GLYAT: variants seen among roughly 807,000 people sequenced by gnomAD.
GLYAT encodes glycine N-acyltransferase.
Under a neutral mutation model 22.8 loss-of-function variants are expected in GLYAT, and 25 were observed. The ratio of observed to expected loss-of-function variants is 1.09; its 90% confidence interval spans 0.80 to 1.53. The LOEUF is 1.53. Among genes scored for constraint, GLYAT ranks in the 40% most tolerant of loss-of-function variants. The pLI is 0.00. For synonymous variants in GLYAT, 140 were observed against 122.7 expected, an observed-to-expected ratio of 1.14 and a Z score of -0.93; for missense variants, 411 against 353.9, an observed-to-expected ratio of 1.16 and a Z score of -1.29.
intron 3 of GLYAT, among the ~76,000 whole-genome samples, chr11:58,714,980 T>C (rs1856661841): frequency 6.6e-6 from 1 of 152,154 alleles, no homozygotes; most frequent in African/African-American, 2.4e-5. Context: ...CTTGTAATCC[T>C]GACAAAAGCA....
intron 1 of GLYAT, 22 bp from the exon 2 acceptor site, chr11:58,724,533 A>C: frequency 7.6e-7 from 1 of 1,315,786 alleles, no homozygotes; most frequent in Non-Finnish European, 1.1e-6. Flanking sequence ...ACCAAGGAAC[A>C]TACAGGATTG....
chr11:58,728,797 G>A (rs1314922249), intron 1 of GLYAT: 1 of 146,380 alleles, frequency 6.8e-6, no homozygotes, highest in Admixed American at 7.0e-5. Context: ...AGTAAACAGA[G>A]AGATGAGAGA....
chr11:58,720,083 A>G (rs1026928038), intron 2 of GLYAT, among the ~76,000 whole-genome samples: 1 of 151,926 alleles, frequency 6.6e-6, no homozygotes, highest in Non-Finnish European at 1.5e-5. Context: ...TTTGTTAAAA[A>G]TAGCTTTTTC....
chr11:58,709,755 C>A lies in GLYAT; in HGVS notation c.*11G>T. On this transcript the variant is annotated 3_prime_UTR_variant, in exon 6 of 6. Transcript: ENST00000344743. ...GACCTGCCCAACACTGTCTTATGTT[C>A]AGGATTGGCATCACAGAGGTACACA... 6.3e-7 allele frequency: 1 copy of A among 1,598,160 alleles called. No individual in the cohort carries two copies. The highest frequency in any genetic ancestry group is 1.1e-5 in the South Asian group (1 of 88,372).
In GLYAT at chr11:58,710,651, GTTCC is replaced by G; in HGVS notation, c.423_426del (p.Lys141AsnfsTer2). ...TTTGATTTCAGCAGGAAAGGAGTCA[GTTCC>G]TTGGCTGTTTCAGCTGCCATATAGA... is the stretch of plus-strand genomic sequence containing the variant. On this transcript the variant is annotated frameshift_variant, in exon 5 of 6. Coordinates refer to ENST00000344743, the MANE Select transcript of GLYAT (RefSeq NM_201648.3). LOFTEE classifies it high-confidence loss of function. The G allele has an allele frequency of 6.2e-7, 1 of 1,609,786 alleles. No homozygotes were observed. The highest frequency in any genetic ancestry group is 8.5e-7 in the Non-Finnish European group (1 of 1,176,034).
At chr11:58,712,365 G>C (rs1005911596) in intron 4 of GLYAT, among the ~76,000 whole-genome samples, 2 of 152,134 alleles carry the variant, frequency 1.3e-5, no homozygotes, top group African/African-American at 4.8e-5. Context: ...AGAATCTCCA[G>C]AGAGCATAGT....
chr11:58,712,723 T>C, intron 4 of GLYAT, 37 bp downstream of exon 4: 4 of 1,598,534 alleles, frequency 2.5e-6, no homozygotes, highest in Non-Finnish European at 3.4e-6. Context: ...TCAGGACACA[T>C]AAGTGAGTCA....
At chr11:58,721,721 T>C (rs1411796031) in intron 2 of GLYAT, among the ~76,000 whole-genome samples, 1 of 152,100 alleles carries the variant, frequency 6.6e-6, no homozygotes, top group African/African-American at 2.4e-5. Context: ...GTACAGCCAT[T>C]GCTCTTTCAG....
Position 58,710,564 on chromosome 11 carries a change from TATAGACTGG to T in GLYAT, c.488+17_488+25del, listed in dbSNP as rs773003866. On this transcript the variant is annotated intron_variant, in intron 5 of 5. Coordinates refer to ENST00000344743, the MANE Select transcript of GLYAT (RefSeq NM_201648.3). ...GAGGTTACTTGAGAGGTGTGAGTGG[TATAGACTGG>T]ATTTTATCAAACTCACATGGCCTTG... The T allele has an allele frequency of 1.9e-6, 3 of 1,539,940 alleles. No individual in the cohort carries two copies. The highest frequency in any genetic ancestry group is 2.7e-6 in the Non-Finnish European group (3 of 1,111,516).
chr11:58,711,103 G>A (rs1856611293), intron 4 of GLYAT, among the ~76,000 whole-genome samples: 1 of 152,092 alleles, frequency 6.6e-6, no homozygotes, highest in Admixed American at 6.6e-5. Context: ...ATTTACCCTG[G>A]CATACTTATA....
At position 58,710,072 on chromosome 11, in the gene GLYAT, T is replaced by C; in HGVS notation, c.585A>G (p.Arg195=). ...WHFGGNERSQ[R]FIERCIQTFP... The stretch of plus-strand genomic sequence containing the variant: ...AGGTCTGAATGCAGCGCTCAATGAA[T>C]CTCTGGCTCCTCTCATTACCACCAA... The change falls in exon 6 of 6, where the codon AGA becomes AGG. Residue 195 remains arginine (R), a synonymous_variant. Coordinates refer to ENST00000344743, the MANE Select transcript of GLYAT (RefSeq NM_201648.3). 6.2e-7 allele frequency: 1 copy of C among 1,613,960 alleles called. No homozygotes were observed.
At chr11:58,730,341 C>A (rs117186841) in intron 1 of GLYAT, among the ~76,000 whole-genome samples, 3,214 of 152,200 alleles carry the variant, frequency 0.021, 48 homozygotes, top group South Asian at 0.043. Context: ...GGTATGGTGA[C>A]ACACACCTGT....
intron 1 of GLYAT, among the ~76,000 whole-genome samples, chr11:58,725,988 G>A (rs1301839517): frequency 6.6e-6 from 1 of 152,120 alleles, no homozygotes; most frequent in Non-Finnish European, 1.5e-5. Context: ...CTGTCATTTT[G>A]CCTCTGAATG....
Position 58,709,872 on chromosome 11 carries a change from T to C in GLYAT, c.785A>G (p.Tyr262Cys). 2 of 1,614,144 alleles carry C rather than the reference T, an allele frequency of 1.2e-6. No homozygotes were observed. Among genetic ancestry groups the C allele is most frequent in the Non-Finnish European group, 8.5e-7 (1 of 1,179,994 alleles). ...TTCATTGCTGTAGTCTACATGAGAA[T>C]AGACAGGAAACCCAAGTTTGCCCAA... ...QKLGKLGFPV[Y>C]SHVDYSNEAM... is the part of the protein sequence containing the mutation. Residue 262 changes from tyrosine (Y) to cysteine (C), a missense_variant, in exon 6 of 6, where the codon TAT (tyrosine) becomes TGT (cysteine). Coordinates refer to ENST00000344743, the MANE Select transcript of GLYAT (RefSeq NM_201648.3).
At position 58,709,906 on chromosome 11, in the gene GLYAT, C is replaced by T. The variant is rs200165614; in HGVS notation, c.751G>A (p.Ala251Thr). 35 of 1,614,076 alleles carry T rather than the reference C, an allele frequency of 2.2e-5. No homozygotes were observed. The highest frequency in any genetic ancestry group is 2.0e-4 in the Admixed American group (12 of 60,002). ...AACCCAAGTTTGCCCAATTTCTGGG[C>T]GTGGGAATAGATGACATACGTCACA... ...GLVTYVIYSH[A>T]QKLGKLGFPV... The change falls in exon 6 of 6, where the codon GCC becomes ACC. Residue 251 changes from alanine (A) to threonine (T), a missense_variant. Coordinates refer to ENST00000344743, the MANE Select transcript of GLYAT (RefSeq NM_201648.3).
intron 1 of GLYAT, 110 bp downstream of exon 1, chr11:58,731,725 G>A (rs1856873828): frequency 1.3e-5 from 2 of 152,012 alleles, no homozygotes; most frequent in African/African-American, 2.4e-5. Flanking sequence ...CACTCATGTA[G>A]CATGGATCCC....
At chr11:58,722,870 G>A (rs1856767225) in intron 2 of GLYAT, among the ~76,000 whole-genome samples, 1 of 152,056 alleles carries the variant, frequency 6.6e-6, no homozygotes, top group African/African-American at 2.4e-5. Context: ...GAGTAACAGT[G>A]AATTCTAGGT....
intron 1 of GLYAT, among the ~76,000 whole-genome samples, chr11:58,728,909 G>A (rs192373777): frequency 0.023 from 2,509 of 110,680 alleles, 39 homozygotes; most frequent in African/African-American, 0.059. Flanking sequence ...AAGGAAGGAA[G>A]GAAGGAAGGA....
intron 2 of GLYAT, among the ~76,000 whole-genome samples, chr11:58,716,677 T>G (rs1428027378): frequency 6.6e-6 from 1 of 152,144 alleles, no homozygotes; most frequent in Non-Finnish European, 1.5e-5. Flanking sequence ...AAATCCTTTT[T>G]AGTCCTACTG....
Sources: allele counts gnomAD v4.1 joint callset (sites outside exome capture counted in the v4.1 genomes callset), GRCh38; gene constraint gnomAD v4.1.1; transcripts MANE v1.5; gene names NCBI Gene and HGNC (gene_info 2026-07-23, HGNC 2026-07-21).